C2orf42: variants seen among roughly 807,000 people sequenced by gnomAD.
The protein encoded by C2orf42 is uncharacterized protein C2orf42.
In C2orf42, 44 loss-of-function variants were observed where a neutral mutation model predicts 58.9. The ratio of observed to expected loss-of-function variants is 0.75; its 90% CI spans 0.59 to 0.96. The LOEUF (loss-of-function observed/expected upper bound fraction) is 0.96. C2orf42 is among the 40% of genes least tolerant of loss of function. The probability of loss-of-function intolerance (pLI) is 0.00; values close to 1 mark genes in which losing one functional copy is unlikely to be tolerated. For synonymous variants in C2orf42, 239 were observed against 265.4 expected, an observed-to-expected ratio of 0.90 and a Z score of 0.97; for missense variants, 630 against 699.2, an observed-to-expected ratio of 0.90 and a Z score of 1.12.
intron 5 of C2orf42, among the ~76,000 whole-genome samples, chr2:70,172,999 C>A (rs1401796453): frequency 6.6e-6 from 1 of 151,878 alleles, no homozygotes; most frequent in African/African-American, 2.4e-5. Flanking sequence ...CCCATCTCTA[C>A]CAAAAATACA....
intron 5 of C2orf42, among the ~76,000 whole-genome samples, chr2:70,172,123 C>T (rs1673860999): frequency 6.6e-6 from 1 of 150,712 alleles, no homozygotes; most frequent in African/African-American, 2.4e-5. Flanking sequence ...ACTCGGGAGG[C>T]TGAGGCAGGA....
intron 8 of C2orf42, among the ~76,000 whole-genome samples, chr2:70,162,758 C>T (rs921648880): frequency 3.3e-5 from 5 of 152,136 alleles, no homozygotes; most frequent in South Asian, 2.1e-4. Flanking sequence ...AGCCACCATG[C>T]CTGGCTCACA....
At chr2:70,169,247 CCACACACA>C (rs35414580) in intron 6 of C2orf42, among the ~76,000 whole-genome samples, 6,024 of 141,110 alleles carry the variant, frequency 0.043, 249 homozygotes, top group African/African-American at 0.12. Context: ...ATCTCCCTCA[CCACACACA>C]CACACACACA....
chr2:70,160,862 A>C (rs1572979974), intron 8 of C2orf42, 75 bp from the exon 9 acceptor site: 1 of 872,820 alleles, frequency 1.1e-6, no homozygotes, highest in Non-Finnish European at 1.7e-6. Flanking sequence ...GATGACGACA[A>C]ATCTTTTATT....
In C2orf42 at chr2:70,189,847, G is replaced by A. The variant is rs575840734; in HGVS notation, c.-282+1126C>T. On this transcript the variant is annotated intron_variant, in intron 1 of 9. Transcript: ENST00000264434. ...TCAAGACCAGCCTGGGCAACATAGT[G>A]AGACCCTGTCTCTTAAAAAAAAAAA... Among the ~76,000 whole-genome samples, 213 of 151,118 alleles carry A rather than the reference G, an allele frequency of 1.4e-3. 2 individuals are homozygous for A. Among genetic ancestry groups the A allele is most frequent in the Non-Finnish European group, 1.5e-3 (100 of 67,896 alleles).
At chr2:70,159,513 G>A (rs1345094229) in intron 9 of C2orf42, among the ~76,000 whole-genome samples, 15 of 151,342 alleles carry the variant, frequency 9.9e-5, no homozygotes, top group African/African-American at 3.6e-4. Flanking sequence ...GCTTGAATCC[G>A]GGAGGCAGAG....
intron 8 of C2orf42, among the ~76,000 whole-genome samples, chr2:70,161,712 C>T (rs776488939): frequency 5.3e-5 from 8 of 151,760 alleles, no homozygotes; most frequent in African/African-American, 9.7e-5. Context: ...TGGTGGCAGA[C>T]GCCTGTAATC....
intron 5 of C2orf42, among the ~76,000 whole-genome samples, chr2:70,175,426 ATAAG>A (rs1362329292): frequency 6.6e-6 from 1 of 152,160 alleles, no homozygotes; most frequent in Non-Finnish European, 1.5e-5. Context: ...GCTCCCACTT[ATAAG>A]TAAGAACATA....
intron 9 of C2orf42, among the ~76,000 whole-genome samples, 200 bp downstream of exon 9, chr2:70,160,425 G>A (rs1356816088): frequency 6.6e-6 from 1 of 152,168 alleles, no homozygotes; most frequent in Non-Finnish European, 1.5e-5. Flanking sequence ...TTATAGGTGT[G>A]AGCCACAGCA....
At chr2:70,186,406 T>TATC (rs35320776) in intron 1 of C2orf42, among the ~76,000 whole-genome samples, 82,657 of 151,628 alleles carry the variant, frequency 0.55, 24,677 homozygotes, top group African/African-American at 0.79. Context: ...TGATTTAACA[T>TATC]ATCAAAGTGG....
In C2orf42 at chr2:70,185,806, T is replaced by C. The variant is rs185118471; in HGVS notation, c.-281-2871A>G. ...ATATATACACACACACATATATATA[T>C]ATATTTTAAGGAAAACAAGTGCTTT... is the stretch of plus-strand genomic sequence containing the variant. On this transcript the variant is annotated intron_variant, in intron 1 of 9. Transcript: ENST00000264434. Among the ~76,000 whole-genome samples, 37 of 151,450 alleles carry C rather than the reference T, an allele frequency of 2.4e-4. 1 individual carries two copies. The highest frequency in any genetic ancestry group is 6.8e-4 in the African/African-American group (28 of 41,218).
At chr2:70,182,520 A>C (rs1674651339) in intron 2 of C2orf42, 147 bp downstream of exon 2, 1 of 153,562 alleles carries the variant, frequency 6.5e-6, no homozygotes, top group Non-Finnish European at 1.4e-5. Context: ...GCATTTCTCC[A>C]GATTTAACTC....
intron 7 of C2orf42, 144 bp from the exon 8 acceptor site, chr2:70,165,336 A>T: frequency 1.6e-6 from 1 of 643,352 alleles, no homozygotes; most frequent in South Asian, 2.0e-5. Flanking sequence ...AGGCAAATAT[A>T]TAAAAGGTTT....
chr2:70,186,536 G>A lies in C2orf42; in HGVS notation c.-281-3601C>T, dbSNP rs1674947175. Among the ~76,000 whole-genome samples the A allele has an allele frequency of 3.3e-5, 5 of 152,288 alleles. 1 individual carries two copies. The South Asian group carries it at 1.0e-3, about 32-fold the overall frequency. On this transcript the variant is annotated intron_variant, in intron 1 of 9. Coordinates refer to ENST00000264434, the MANE Select transcript of C2orf42 (RefSeq NM_017880.3). ...GACTATAAACTAGTTCAACCATTGT[G>A]GAAGTCAGTGTGGCGATTCCTCAGG...
chr2:70,153,755 T>G (rs1672462945), intron 9 of C2orf42, among the ~76,000 whole-genome samples: 2 of 150,020 alleles, frequency 1.3e-5, no homozygotes, highest in African/African-American at 2.5e-5. Context: ...GACTGATATA[T>G]CTATCCAAAA....
chr2:70,160,216 T>C (rs1672965452), intron 9 of C2orf42, among the ~76,000 whole-genome samples: 1 of 148,532 alleles, frequency 6.7e-6, no homozygotes, highest in Non-Finnish European at 1.5e-5. Flanking sequence ...CTCGGCTCAC[T>C]GTAACCTCTG....
At chr2:70,162,348 A>C (rs1673105879) in intron 8 of C2orf42, among the ~76,000 whole-genome samples, 1 of 149,378 alleles carries the variant, frequency 6.7e-6, no homozygotes, top group Non-Finnish European at 1.5e-5. Context: ...TATTTTTTTA[A>C]GAGTAGGGGC....
At chr2:70,171,527 T>C (rs930532737) in intron 5 of C2orf42, among the ~76,000 whole-genome samples, 11 of 152,078 alleles carry the variant, frequency 7.2e-5, no homozygotes, top group African/African-American at 2.7e-4. Context: ...TCACTTTTTT[T>C]TGAGACCGAG....
At chr2:70,177,445 G>C (rs572723683) in intron 4 of C2orf42, among the ~76,000 whole-genome samples, 4 of 152,040 alleles carry the variant, frequency 2.6e-5, no homozygotes, top group Non-Finnish European at 5.9e-5. Context: ...AAAGGGGAAA[G>C]ACTAATAAGT....
Sources: gnomAD v4.1 joint callset for allele counts (sites outside exome capture counted in the v4.1 genomes callset) on GRCh38, gnomAD v4.1.1 for gene constraint, MANE v1.5 for transcripts, NCBI Gene and HGNC (gene_info 2026-07-23, HGNC 2026-07-21) for gene names.